BEND3: variants seen among roughly 807,000 people sequenced by gnomAD.
The protein encoded by BEND3 is BEN domain-containing protein 3.
In BEND3, 13 loss-of-function variants were observed where a neutral mutation model predicts 60.1. The ratio of observed to expected loss-of-function variants is 0.22; its 90% CI spans 0.14 to 0.34. BEND3 has a LOEUF of 0.34. Ranked by LOEUF, BEND3 falls within the 10% of genes least tolerant of loss-of-function variation. The pLI is 1.00. For synonymous variants in BEND3, 497 were observed against 491.5 expected, an observed-to-expected ratio of 1.01 and a Z score of -0.15; for missense variants, 896 against 1,138.1, an observed-to-expected ratio of 0.79 and a Z score of 3.06.
In BEND3 at chr6:107,069,851, C is replaced by T. The variant is rs200244436; in HGVS notation, c.1340G>A (p.Arg447Gln). The change falls in exon 4 of 4, where the codon CGG becomes CAG. Residue 447 changes from arginine to glutamine, a missense_variant. By Grantham distance (43) the Arg-to-Gln change is conservative (BLOSUM62 1). This residue lies in a region of BEND3 where 846 missense variants were observed against 1,036.7 expected (regional missense o/e 0.82). Coordinates refer to ENST00000369042, the MANE Select transcript of BEND3 (RefSeq NM_001367314.1). ...CGTGTAGTTGCGGATGATCTGCAGC[C>T]GCTGCGGGTCCAGCTCCTGCTTTCC... ...DGGKQELDPQ[R>Q]LQIIRNYTEI... 5.6e-6 allele frequency: 9 copies of T among 1,613,674 alleles called. No homozygotes were observed. Among genetic ancestry groups the T allele is most frequent in the East Asian group, 2.2e-5 (1 of 44,870 alleles).
intron 3 of BEND3, among the ~76,000 whole-genome samples, chr6:107,071,451 G>A (rs1478246987): frequency 1.3e-5 from 2 of 152,188 alleles, no homozygotes; most frequent in Non-Finnish European, 2.9e-5. Context: ...CAGCCTTTGG[G>A]AGAGCAGGCG....
intron 1 of BEND3, among the ~76,000 whole-genome samples, chr6:107,105,842 T>A (rs891114703): frequency 2.2e-4 from 34 of 152,044 alleles, no homozygotes; most frequent in African/African-American, 8.0e-4. Context: ...CAGGGGCAAA[T>A]CCCCCTTACC....
chr6:107,087,276 G>A (rs183048014), intron 3 of BEND3, among the ~76,000 whole-genome samples: 4 of 151,930 alleles, frequency 2.6e-5, no homozygotes, highest in East Asian at 1.9e-4. Flanking sequence ...CAGAGATTGC[G>A]CCTCTGCACT....
intron 3 of BEND3, among the ~76,000 whole-genome samples, chr6:107,096,088 G>A (rs1483638773): frequency 6.6e-6 from 1 of 152,132 alleles, no homozygotes; most frequent in Non-Finnish European, 1.5e-5. Context: ...CATCAATCTG[G>A]TATACAATGT....
rs548181587 is a variant in BEND3, at chr6:107,090,930, C to T, written c.240+7621G>A. 4.6e-5 allele frequency among the ~76,000 whole-genome samples: 7 copies of T among 151,912 alleles called. No homozygotes were observed. The South Asian group carries it at 1.2e-3, about 27-fold the overall frequency. On this transcript the variant is annotated intron_variant, in intron 3 of 3. Coordinates refer to ENST00000369042, the MANE Select transcript of BEND3 (RefSeq NM_001367314.1). ...CTCGAGATCAGCCTGGTCAACATGGCAAAACCCCGTCTCTACTAAAAATAC... is the reference window on the plus strand; with the variant it reads ...CTCGAGATCAGCCTGGTCAACATGGTAAAACCCCGTCTCTACTAAAAATAC...
In BEND3 at chr6:107,084,505, G is replaced by A. The variant is rs145244087; in HGVS notation, c.241-13555C>T. Among the ~76,000 whole-genome samples, 378 of 149,588 alleles carry A rather than the reference G, an allele frequency of 2.5e-3. 4 individuals are homozygous for A. The highest frequency in any genetic ancestry group is 9.1e-3 in the African/African-American group (365 of 40,072). Reference sequence around the variant, plus strand: ...GCACCAATCAGCACTCTGTAAAAACGCACCAATCAGCACTCTGTGTATAGC... The same window carrying A: ...GCACCAATCAGCACTCTGTAAAAACACACCAATCAGCACTCTGTGTATAGC... On this transcript the variant is annotated intron_variant, in intron 3 of 3. Coordinates refer to ENST00000369042, the MANE Select transcript of BEND3 (RefSeq NM_001367314.1).
chr6:107,094,818 C>CT (rs60923094), intron 3 of BEND3, among the ~76,000 whole-genome samples: 8 of 61,930 alleles, frequency 1.3e-4, no homozygotes, highest in African/African-American at 3.5e-4. Flanking sequence ...ATGTCACTGC[C>CT]TTTTTTTTTT....
intron 1 of BEND3, among the ~76,000 whole-genome samples, chr6:107,109,725 T>A (rs569381992): frequency 1.3e-5 from 2 of 152,052 alleles, no homozygotes; most frequent in African/African-American, 4.8e-5. Context: ...AATACAAAAA[T>A]TAGCCAGGCG....
chr6:107,105,773 C>A (rs1336063991), intron 1 of BEND3, among the ~76,000 whole-genome samples: 4 of 152,250 alleles, frequency 2.6e-5, no homozygotes, highest in Non-Finnish European at 5.9e-5. Flanking sequence ...GTCCTCGCCA[C>A]TGTGCTGAGG....
At chr6:107,080,817 G>C (rs1775216444) in intron 3 of BEND3, among the ~76,000 whole-genome samples, 1 of 152,058 alleles carries the variant, frequency 6.6e-6, no homozygotes, top group Non-Finnish European at 1.5e-5. Flanking sequence ...CTGGGAGGCA[G>C]AGGTTGCAGT....
Position 107,085,192 on chromosome 6 carries a change from G to A in BEND3, c.240+13359C>T, listed in dbSNP as rs150822561. On this transcript the variant is annotated intron_variant, in intron 3 of 3. Transcript: ENST00000369042. ...AAGTCAGCGAGACCACGAACCCACCGGAAGGAACTCCCAACACATCTGAAC... is the reference window on the plus strand; with the variant it reads ...AAGTCAGCGAGACCACGAACCCACCAGAAGGAACTCCCAACACATCTGAAC... Among the ~76,000 whole-genome samples the A allele has an allele frequency of 1.2e-3, 179 of 152,222 alleles. 3 individuals carry two copies. The East Asian group carries it at 0.029, about 25-fold the overall frequency.
intron 3 of BEND3, among the ~76,000 whole-genome samples, chr6:107,096,979 T>C (rs546145059): frequency 6.6e-6 from 1 of 151,640 alleles, no homozygotes; most frequent in African/African-American, 2.4e-5. Context: ...AGCGAGACCC[T>C]GTCTCAGACA....
chr6:107,083,909 G>C (rs782659233), intron 3 of BEND3, among the ~76,000 whole-genome samples: 6 of 152,094 alleles, frequency 3.9e-5, no homozygotes, highest in Admixed American at 2.6e-4. Context: ...GCAACACAGC[G>C]AGACCCTATC....
rs1327960869 is a variant in BEND3, at chr6:107,069,030, G to C, written c.2161C>G (p.Leu721Val). 1 of 1,613,648 alleles carries C rather than the reference G, an allele frequency of 6.2e-7. No homozygotes were observed. Among genetic ancestry groups the C allele is most frequent in the African/African-American group, 1.3e-5 (1 of 74,934 alleles). ...ATCTCACGCACCTCCTTGTCAGACA[G>C]CAGGTAGGGAGAAGGCACCGGGAAG... Reference protein sequence around the residue: ...PDFPVPSPYLLSDKEVREIVQ... With the variant: ...PDFPVPSPYLVSDKEVREIVQ... Residue 721 changes from leucine to valine, a missense_variant, in exon 4 of 4, where the codon CTG becomes GTG. Physicochemically the swap from Leu to Val is conservative, Grantham distance 32. This residue lies in a region of BEND3 where 846 missense variants were observed against 1,036.7 expected (regional missense o/e 0.82). Transcript: ENST00000369042.
rs376273267 is a variant in BEND3 at position 107,069,142 on chromosome 6, C to T, written c.2049G>A (p.Glu683=). The change falls in exon 4 of 4, where the codon GAG becomes GAA. Residue 683 remains glutamate, a synonymous_variant. Coordinates refer to ENST00000369042, the MANE Select transcript of BEND3 (RefSeq NM_001367314.1). ...CGGGGGGCAGTGGGGGCCCCTCAAA[C>T]TCCTCCCGGAACCTCTCGGGGTTGA... ...YAINPERFRE[E]FEGPPLPPER... 6.2e-7 allele frequency: 1 copy of T among 1,612,646 alleles called. No homozygotes were observed. Among genetic ancestry groups the T allele is most frequent in the Non-Finnish European group, 8.5e-7 (1 of 1,180,026 alleles).
chr6:107,107,084 GCAC>G, intron 1 of BEND3, among the ~76,000 whole-genome samples: 1 of 151,978 alleles, frequency 6.6e-6, no homozygotes, highest in Non-Finnish European at 1.5e-5. Flanking sequence ...TTACAGGCAT[GCAC>G]CACCACATCC....
rs1354040384 is a variant in BEND3 at position 107,070,641 on chromosome 6, C to A, written c.550G>T (p.Ala184Ser). ...ATGTTGGGGTCGTTGTCAGTGCCTG[C>A]CCCGGTGCTGCCACAGTCCCGCTTC... Reference protein sequence around the residue: ...PQKRDCGSTGAGTDNDPNIYF... With the variant: ...PQKRDCGSTGSGTDNDPNIYF... The change falls in exon 4 of 4, where the codon GCA (alanine) becomes TCA (serine). Residue 184 changes from alanine (A) to serine (S), a missense_variant. This residue lies in a region of BEND3 where 846 missense variants were observed against 1,036.7 expected (regional missense o/e 0.82). Coordinates refer to ENST00000369042, the MANE Select transcript of BEND3 (RefSeq NM_001367314.1). The surrounding 1 kb of genome is among the most constrained non-coding windows in gnomAD (Gnocchi z 6.9). 2 of 1,612,250 alleles carry A rather than the reference C, an allele frequency of 1.2e-6. No homozygotes were observed. Among genetic ancestry groups the A allele is most frequent in the African/African-American group, 1.3e-5 (1 of 74,990 alleles).
chr6:107,073,595 A>T (rs782704755), intron 3 of BEND3, among the ~76,000 whole-genome samples: 1 of 152,050 alleles, frequency 6.6e-6, no homozygotes, highest in Non-Finnish European at 1.5e-5. Flanking sequence ...ACCATTCTCA[A>T]ATACATGCTT....
At chr6:107,081,395 T>C (rs1775230558) in intron 3 of BEND3, among the ~76,000 whole-genome samples, 1 of 148,362 alleles carries the variant, frequency 6.7e-6, no homozygotes, top group Non-Finnish European at 1.5e-5. Flanking sequence ...TAATTTTTGG[T>C]ATTTTTAGTA....
Sources: gnomAD v4.1 joint callset for allele counts (sites outside exome capture counted in the v4.1 genomes callset) on GRCh38, gnomAD v4.1.1 for gene constraint, gnomAD v4.1.1 regional missense constraint, Gnocchi (gnomAD v3.1) non-coding constraint, MANE v1.5 for transcripts, NCBI Gene and HGNC (gene_info 2026-07-23, HGNC 2026-07-21) for gene names.